ORAI3: variants seen among roughly 807,000 people sequenced by gnomAD.
ORAI3 encodes ORAI calcium release-activated calcium modulator 3, also known as protein orai-3.
ORAI3 carries 15 observed loss-of-function variants against 17.2 expected under a neutral mutation model. That is an observed-to-expected ratio of 0.87 (90% confidence interval 0.58 to 1.34). The LOEUF (loss-of-function observed/expected upper bound fraction) is 1.34, where lower values mean the gene tolerates loss of function less well. Among genes scored for constraint, ORAI3 ranks in the 40% most tolerant of loss-of-function variants. The probability of loss-of-function intolerance (pLI) is 0.00; values close to 1 mark genes in which losing one functional copy is unlikely to be tolerated. For missense variants in ORAI3, 405 were observed against 396.7 expected (o/e 1.02, Z -0.18); for synonymous variants, 178 against 172.4 (o/e 1.03, Z -0.25).
intron 1 of ORAI3, among the ~76,000 whole-genome samples, chr16:30,950,674 G>A (rs1311363201): frequency 5.9e-5 from 9 of 152,118 alleles, no homozygotes; most frequent in Non-Finnish European, 1.2e-4. Flanking sequence ...TAACCCTAAG[G>A]GTCATCATAA....
In ORAI3 at chr16:30,949,244, G is replaced by A. The variant is rs1372977882; in HGVS notation, c.-46G>A. 1.5e-6 allele frequency: 2 copies of A among 1,312,964 alleles called. No individual in the cohort carries two copies. Among genetic ancestry groups the A allele is most frequent in the East Asian group, 3.1e-5 (1 of 31,926 alleles). The allele number at this position is 1,312,964 out of a possible 1,614,324, so 81.3% of individuals were successfully genotyped here. ...GGCCGGCCCGGCTGGGGCCCCCGAG[G>A]CGCTTCCGCCCCGTAGTGACCGCCT... On this transcript the variant is annotated 5_prime_UTR_variant, in exon 1 of 2. Transcript: ENST00000318663.
At chr16:30,952,938 T>C (rs778503025) in intron 1 of ORAI3, among the ~76,000 whole-genome samples, 3 of 152,212 alleles carry the variant, frequency 2.0e-5, no homozygotes, top group Non-Finnish European at 4.4e-5. Context: ...AGTGCTGGGA[T>C]TATAGGCATG....
At chr16:30,949,850 C>T (rs1326244662) in intron 1 of ORAI3, 8 of 235,540 alleles carry the variant, frequency 3.4e-5, no homozygotes, top group Admixed American at 6.0e-5. Flanking sequence ...TTCCTAAGTC[C>T]CAGTGCCAGC....
Position 30,949,520 on chromosome 16 carries a change from G to T in ORAI3, c.228+3G>T. The T allele has an allele frequency of 6.4e-7, 1 of 1,566,146 alleles. No homozygotes were observed. Among genetic ancestry groups the T allele is most frequent in the Non-Finnish European group, 8.6e-7 (1 of 1,160,378 alleles). ...CCTTGCTCTCGGGCTTCGCCATGGT[G>T]AGGGGCCGGGAGGGGTCACACCCGG... On this transcript the variant is annotated splice_donor_region_variant and intron_variant, in intron 1 of 1. Coordinates refer to ENST00000318663, the MANE Select transcript of ORAI3 (RefSeq NM_152288.3).
Position 30,949,512 on chromosome 16 carries a change from G to A in ORAI3, c.223G>A (p.Ala75Thr). The A allele has an allele frequency of 6.5e-7, 1 of 1,541,014 alleles. No homozygotes were observed. Among genetic ancestry groups the A allele is most frequent in the East Asian group, 2.6e-5 (1 of 37,896 alleles). The stretch of plus-strand genomic sequence containing the variant: ...CACGTCTGCCTTGCTCTCGGGCTTC[G>A]CCATGGTGAGGGGCCGGGAGGGGTC... ...SRTSALLSGF[A>T]MVAMVEVQLE... The change falls in exon 1 of 2, where the codon GCC (alanine) becomes ACC (threonine). Residue 75 changes from alanine to threonine, a missense_variant. Physicochemically the swap from Ala to Thr is moderately conservative, Grantham distance 58. Coordinates refer to ENST00000318663, the MANE Select transcript of ORAI3 (RefSeq NM_152288.3).
intron 1 of ORAI3, among the ~76,000 whole-genome samples, chr16:30,952,315 A>C (rs1171054876): frequency 2.0e-5 from 3 of 151,948 alleles, no homozygotes; most frequent in African/African-American, 7.3e-5. Context: ...TTATATTTTT[A>C]GTAGAGACAG....
chr16:30,953,670 TG>T lies in ORAI3; in HGVS notation c.717del (p.Pro240GlnfsTer43). ...RQACGGGGAH[G>X]PGWQAAMAST... is the part of the protein sequence containing the mutation. ...AAGCCTGTGGTGGTGGTGGGGCCCA[TG>T]GGCCAGGCTGGCAAGCAGCCATGGC... On this transcript the variant is annotated frameshift_variant, in exon 2 of 2. Transcript: ENST00000318663. LOFTEE classifies it high-confidence loss of function. 6.2e-7 allele frequency: 1 copy of T among 1,613,998 alleles called. No homozygotes were observed. Among genetic ancestry groups the T allele is most frequent in the Non-Finnish European group, 8.5e-7 (1 of 1,180,018 alleles).
Position 30,949,276 on chromosome 16 carries a change from G to GCCC in ORAI3, c.-6_-4dup, listed in dbSNP as rs35221000. The stretch of plus-strand genomic sequence containing the variant: ...CGCCCCGTAGTGACCGCCTGGTGCC[G>GCCC]CCCCCCCCCCAGGATGAAGGGCGGC... On this transcript the variant is annotated 5_prime_UTR_variant, in exon 1 of 2. Coordinates refer to ENST00000318663, the MANE Select transcript of ORAI3 (RefSeq NM_152288.3). 23 of 1,136,286 alleles carry GCCC rather than the reference G, an allele frequency of 2.0e-5. No individual in the cohort carries two copies. In the African/African-American group the frequency reaches 2.3e-4, roughly 12 times the overall value. The allele number at this position is 1,136,286 out of a possible 1,614,324, so 70.4% of individuals were successfully genotyped here.
chr16:30,950,458 G>A (rs2055919299), intron 1 of ORAI3, among the ~76,000 whole-genome samples: 1 of 152,200 alleles, frequency 6.6e-6, no homozygotes, highest in African/African-American at 2.4e-5. Flanking sequence ...ACCCAGGGTT[G>A]CTGCTCTGTT....
chr16:30,954,302 C>T lies in ORAI3; in HGVS notation c.*458C>T, dbSNP rs138842693. The T allele has an allele frequency of 1.4e-5, 8 of 584,458 alleles. No individual in the cohort carries two copies. The highest frequency in any genetic ancestry group is 2.9e-5 in the Admixed American group (1 of 34,048). The allele number at this position is 584,458 out of a possible 1,614,324, so 36.2% of individuals were successfully genotyped here. A position where few individuals can be genotyped will look rare whatever the true frequency, so the allele number is the denominator to read the frequency against. ...ATACAGTCACAGCTCACTGTAGCCT[C>T]GACCTTCCAGGCTCAAAAGATGCTC... On this transcript the variant is annotated 3_prime_UTR_variant, in exon 2 of 2. Transcript: ENST00000318663.
chr16:30,949,400 C>T lies in ORAI3; in HGVS notation c.111C>T (p.Asp37=), dbSNP rs764027314. 2 of 1,598,860 alleles carry T rather than the reference C, an allele frequency of 1.3e-6. No homozygotes were observed. The highest frequency in any genetic ancestry group is 1.1e-5 in the South Asian group (1 of 88,920). Residue 37 remains aspartate, a synonymous_variant, in exon 1 of 2, where the codon GAC becomes GAT. Coordinates refer to ENST00000318663, the MANE Select transcript of ORAI3 (RefSeq NM_152288.3). The part of the protein sequence containing the change: ...YREFVHRGYL[D]LMGASQHSLR... ...AGTTCGTGCACCGCGGCTACCTGGA[C>T]CTCATGGGGGCCAGTCAGCACTCGC...
intron 1 of ORAI3, among the ~76,000 whole-genome samples, chr16:30,950,702 T>A (rs1164210117): frequency 6.6e-6 from 1 of 152,126 alleles, no homozygotes; most frequent in Non-Finnish European, 1.5e-5. Context: ...GTCTTCTATG[T>A]GGGGTCCCAG....
intron 1 of ORAI3, among the ~76,000 whole-genome samples, chr16:30,952,273 T>C (rs983993021): frequency 3.3e-5 from 5 of 151,988 alleles, no homozygotes; most frequent in African/African-American, 1.2e-4. Flanking sequence ...TAGCCGGGAT[T>C]ACAGGCGCAC....
In ORAI3 at chr16:30,954,671, G is replaced by A. The variant is rs1159130257; in HGVS notation, c.*827G>A. Reference sequence around the variant, plus strand: ...TTCAAGCTCCCCACCTTCCCCCACTGTGGTGACCTGTGGCCACTTGCAGAA... The same window carrying A: ...TTCAAGCTCCCCACCTTCCCCCACTATGGTGACCTGTGGCCACTTGCAGAA... On this transcript the variant is annotated 3_prime_UTR_variant, in exon 2 of 2. Coordinates refer to ENST00000318663, the MANE Select transcript of ORAI3 (RefSeq NM_152288.3). The A allele has an allele frequency of 1.3e-5, 2 of 157,206 alleles. No individual in the cohort carries two copies. The highest frequency in any genetic ancestry group is 4.8e-5 in the African/African-American group (2 of 41,456). The allele number at this position is 157,206 out of a possible 1,614,324, so 9.7% of individuals were successfully genotyped here.
chr16:30,954,114 C>A lies in ORAI3; in HGVS notation c.*270C>A, dbSNP rs1173287532. On this transcript the variant is annotated 3_prime_UTR_variant, in exon 2 of 2. Coordinates refer to ENST00000318663, the MANE Select transcript of ORAI3 (RefSeq NM_152288.3). The stretch of plus-strand genomic sequence containing the variant: ...GGCTGGCCTCAGTTGAAGGATCATG[C>A]AGTAGATAGAGGGGAGGCAGGGAGA... 1 of 702,642 alleles carries A rather than the reference C, an allele frequency of 1.4e-6. No homozygotes were observed. Among genetic ancestry groups the A allele is most frequent in the Non-Finnish European group, 2.6e-6 (1 of 385,184 alleles). The allele number at this position is 702,642 out of a possible 1,614,324, so 43.5% of individuals were successfully genotyped here. A position where few individuals can be genotyped will look rare whatever the true frequency, so the allele number is the denominator to read the frequency against.
At position 30,949,440 on chromosome 16, in the gene ORAI3, T is replaced by A. The variant is rs778178422; in HGVS notation, c.151T>A (p.Trp51Arg). 7 of 1,606,570 alleles carry A rather than the reference T, an allele frequency of 4.4e-6. No homozygotes were observed. The highest frequency in any genetic ancestry group is 3.4e-4 in the Middle Eastern group (2 of 5,804). ...TCAGCACTCGCTGCGGGCGCTCAGC[T>A]GGCGCCGCCTCTACCTCAGCCGGGC... ...ASQHSLRALS[W>R]RRLYLSRAKL... Residue 51 changes from tryptophan (W) to arginine (R), a missense_variant, in exon 1 of 2, where the codon TGG (tryptophan) becomes AGG (arginine). By Grantham distance (101) the Trp-to-Arg change is moderately radical. Coordinates refer to ENST00000318663, the MANE Select transcript of ORAI3 (RefSeq NM_152288.3).
Position 30,949,406 on chromosome 16 carries a change from G to C in ORAI3, c.117G>C (p.Met39Ile). 2 of 1,601,394 alleles carry C rather than the reference G, an allele frequency of 1.2e-6. No homozygotes were observed. The highest frequency in any genetic ancestry group is 1.7e-6 in the Non-Finnish European group (2 of 1,175,388). The change falls in exon 1 of 2, where the codon ATG becomes ATC. Residue 39 changes from methionine (M) to isoleucine (I), a missense_variant. Coordinates refer to ENST00000318663, the MANE Select transcript of ORAI3 (RefSeq NM_152288.3). ...TGCACCGCGGCTACCTGGACCTCAT[G>C]GGGGCCAGTCAGCACTCGCTGCGGG... ...EFVHRGYLDL[M>I]GASQHSLRAL...
Position 30,953,706 on chromosome 16 carries a change from C to T in ORAI3, c.750C>T (p.Ala250=), listed in dbSNP as rs1469988717. The T allele has an allele frequency of 1.9e-5, 30 of 1,614,112 alleles. No individual in the cohort carries two copies. The highest frequency in any genetic ancestry group is 2.5e-5 in the Non-Finnish European group (30 of 1,180,052). The change falls in exon 2 of 2, where the codon GCC becomes GCT. Residue 250 remains alanine (A), a synonymous_variant. Coordinates refer to ENST00000318663, the MANE Select transcript of ORAI3 (RefSeq NM_152288.3). Reference sequence around the variant, plus strand: ...GGCAAGCAGCCATGGCCTCCACAGCCATCATGGTACCCGTGGGGCTCGTGT... The same window carrying T: ...GGCAAGCAGCCATGGCCTCCACAGCTATCATGGTACCCGTGGGGCTCGTGT... ...PGWQAAMAST[A]IMVPVGLVFV...
chr16:30,950,300 G>A (rs2055918449), intron 1 of ORAI3, among the ~76,000 whole-genome samples: 1 of 152,138 alleles, frequency 6.6e-6, no homozygotes, highest in East Asian at 1.9e-4. Flanking sequence ...TGGAGGGTGC[G>A]CCCTCTGTAG....
Sources: gnomAD v4.1 joint callset for allele counts (sites outside exome capture counted in the v4.1 genomes callset) on GRCh38, gnomAD v4.1.1 for gene constraint, MANE v1.5 for transcripts, NCBI Gene and HGNC (gene_info 2026-07-23, HGNC 2026-07-21) for gene names.